The following LRRC59 variants were observed in gnomAD, a reference collection of about 807,000 sequenced individuals.
LRRC59 encodes the protein leucine-rich repeat-containing protein 59.
LRRC59 carries 18 observed loss-of-function variants against 33.5 expected under a neutral mutation model. That is an observed-to-expected ratio of 0.54 (90% CI 0.37 to 0.80). The LOEUF is 0.80. Ranked by LOEUF, LRRC59 falls within the 30% of genes least tolerant of loss-of-function variation. The pLI is 0.00. For synonymous variants in LRRC59, 138 were observed against 160.0 expected, an observed-to-expected ratio of 0.86 and a Z score of 1.04; for missense variants, 330 against 391.9, an observed-to-expected ratio of 0.84 and a Z score of 1.33.
At position 50,394,958 on chromosome 17, in the gene LRRC59, G is replaced by C. The variant is rs1217033431; in HGVS notation, c.136C>G (p.Leu46Val). The change falls in exon 2 of 7, where the codon CTG becomes GTG. Residue 46 changes from leucine (L) to valine (V), a missense_variant. Physicochemically the swap from Leu to Val is conservative, Grantham distance 32. Transcript: ENST00000225972. ...AALPKATILD[L>V]SCNKLTTLPS... ...AGAGTAGTCAGTTTATTACAAGACA[G>C]ATCCAGGATGGTGGCCTTTGGAAGG... The C allele has an allele frequency of 6.2e-7, 1 of 1,608,674 alleles. No individual in the cohort carries two copies. Among genetic ancestry groups the C allele is most frequent in the Non-Finnish European group, 8.5e-7 (1 of 1,176,336 alleles).
intron 6 of LRRC59, among the ~76,000 whole-genome samples, chr17:50,384,531 C>T (rs748864969): frequency 3.9e-5 from 6 of 152,018 alleles, no homozygotes; most frequent in East Asian, 1.9e-4. Context: ...TTGGGGAGGC[C>T]GAGGCAGGCG....
Position 50,382,988 on chromosome 17 carries a change from T to C in LRRC59, c.924A>G (p.Ter308TrpextTer44). ...QWVLQTDSQQ[*>W] Reference sequence around the variant, plus strand: ...GAGGCAGCAGGTGCTGGGGACAAGCTCACTGCTGAGAGTCGGTCTGGAGGA... The same window carrying C: ...GAGGCAGCAGGTGCTGGGGACAAGCCCACTGCTGAGAGTCGGTCTGGAGGA... The change falls in exon 7 of 7, where the codon TGA becomes TGG. Residue 308 changes from the stop codon to tryptophan (W), a stop_lost. Coordinates refer to ENST00000225972, the MANE Select transcript of LRRC59 (RefSeq NM_018509.4). The C allele has an allele frequency of 6.2e-7, 1 of 1,612,120 alleles. No homozygotes were observed. Among genetic ancestry groups the C allele is most frequent in the Non-Finnish European group, 8.5e-7 (1 of 1,179,516 alleles).
chr17:50,389,523 G>A (rs1052592999), intron 4 of LRRC59, among the ~76,000 whole-genome samples: 3 of 152,090 alleles, frequency 2.0e-5, no homozygotes, highest in Non-Finnish European at 4.4e-5. Flanking sequence ...TGGCTGCCTT[G>A]TATAATCTCT....
chr17:50,385,158 C>T lies in LRRC59; in HGVS notation c.636G>A (p.Glu212=). 3.1e-6 allele frequency: 5 copies of T among 1,614,146 alleles called. No individual in the cohort carries two copies. Among genetic ancestry groups the T allele is most frequent in the Non-Finnish European group, 4.2e-6 (5 of 1,180,032 alleles). The change falls in exon 6 of 7, where the codon GAG becomes GAA. Residue 212 remains glutamate (E), a synonymous_variant. Coordinates refer to ENST00000225972, the MANE Select transcript of LRRC59 (RefSeq NM_018509.4). ...CTTCCTTCTTAGGTTTCTTCTCCTG[C>T]TCCCGCTTGGCTGCTTTGAGGGCAT... is the stretch of plus-strand genomic sequence containing the variant. ...EYDALKAAKR[E]QEKKPKKEAN...
At position 50,392,732 on chromosome 17, in the gene LRRC59, T is replaced by C; in HGVS notation, c.324+7A>G. The C allele has an allele frequency of 6.2e-7, 1 of 1,613,388 alleles. No individual in the cohort carries two copies. Among genetic ancestry groups the C allele is most frequent in the Non-Finnish European group, 8.5e-7 (1 of 1,179,358 alleles). On this transcript the variant is annotated splice_region_variant and intron_variant, in intron 3 of 6. Transcript: ENST00000225972. ...TGGCCATGAAACACTGGTTCATGAA[T>C]TGTTACCTTGAGCTGAGCAAAGCTG...
At chr17:50,387,349 A>C (rs989814687) in intron 5 of LRRC59, among the ~76,000 whole-genome samples, 10 of 152,220 alleles carry the variant, frequency 6.6e-5, no homozygotes, top group African/African-American at 2.2e-4. Context: ...GCCCAGTTTC[A>C]CTTGTGTGTG....
intron 6 of LRRC59, among the ~76,000 whole-genome samples, chr17:50,384,830 C>A (rs1370169350): frequency 1.3e-5 from 2 of 150,962 alleles, no homozygotes; most frequent in Non-Finnish European, 3.0e-5. Context: ...GATTTTAGAC[C>A]CTCACCTCTA....
intron 4 of LRRC59, among the ~76,000 whole-genome samples, chr17:50,390,491 C>CAAA (rs796517826): frequency 9.6e-5 from 13 of 135,962 alleles, no homozygotes; most frequent in South Asian, 2.3e-4. Flanking sequence ...GACCCCATGT[C>CAAA]AAAAAAAAAA....
intron 3 of LRRC59, 48 bp downstream of exon 3, chr17:50,392,691 G>A: frequency 6.2e-7 from 1 of 1,603,966 alleles, no homozygotes; most frequent in Non-Finnish European, 8.5e-7. Context: ...CAGAGTCCCT[G>A]AGTTCTCTGC....
Position 50,397,473 on chromosome 17 carries a change from C to G in LRRC59, c.-156G>C. 1 of 532,588 alleles carries G rather than the reference C, an allele frequency of 1.9e-6. No homozygotes were observed. The highest frequency in any genetic ancestry group is 2.4e-5 in the South Asian group (1 of 42,040). 33.0% of individuals were successfully genotyped at this position (532,588 alleles called of 1,614,324 possible). ...ACCGCCTCCGCCCGCTGGCCGCACTCCGAGCCTCGCGCCTAGCTCCCACCG... is the reference window on the plus strand; with the variant it reads ...ACCGCCTCCGCCCGCTGGCCGCACTGCGAGCCTCGCGCCTAGCTCCCACCG... On this transcript the variant is annotated 5_prime_UTR_variant, in exon 1 of 7. Transcript: ENST00000225972.
Position 50,397,300 on chromosome 17 carries a change from G to C in LRRC59, c.18C>G (p.Ser6Arg). The change falls in exon 1 of 7, where the codon AGC becomes AGG. Residue 6 changes from serine to arginine, a missense_variant. Transcript: ENST00000225972. MTKAG[S>R]KGGNLRDKLD... ...GCTTGTCGCGGAGGTTCCCGCCCTT[G>C]CTACCGGCCTTGGTCATGGTAACGC... 6.2e-7 allele frequency: 1 copy of C among 1,608,930 alleles called. No individual in the cohort carries two copies. The highest frequency in any genetic ancestry group is 8.5e-7 in the Non-Finnish European group (1 of 1,178,074).
rs536026043 is a variant in LRRC59, at chr17:50,390,752, A to G, written c.429+1646T>C. Among the ~76,000 whole-genome samples the G allele has an allele frequency of 5.9e-5, 9 of 152,332 alleles. No individual in the cohort carries two copies. The East Asian group carries it at 1.7e-3, about 29-fold the overall frequency. ...GTCAGAGCTAGTAAGACCTAAACTA[A>G]TTCCTGCAGACAGACGACCTGATTC... On this transcript the variant is annotated intron_variant, in intron 4 of 6. Transcript: ENST00000225972.
intron 5 of LRRC59, among the ~76,000 whole-genome samples, chr17:50,385,812 G>A (rs574387007): frequency 6.6e-6 from 1 of 152,274 alleles, no homozygotes; most frequent in African/African-American, 2.4e-5. Context: ...ATAACCCTAG[G>A]ACTTTGGGAG....
At chr17:50,383,798 A>G (rs1470509022) in intron 6 of LRRC59, among the ~76,000 whole-genome samples, 8 of 152,000 alleles carry the variant, frequency 5.3e-5, no homozygotes, top group Non-Finnish European at 2.9e-5. Flanking sequence ...ATTTTTAATT[A>G]GAAAAAAATT....
intron 6 of LRRC59, among the ~76,000 whole-genome samples, chr17:50,383,463 G>A (rs1209483255): frequency 6.6e-6 from 1 of 152,162 alleles, no homozygotes; most frequent in Non-Finnish European, 1.5e-5. Context: ...CGTGTCTCAT[G>A]TAGCTCACAG....
chr17:50,397,457 G>A lies in LRRC59; in HGVS notation c.-140C>T. ...TCGCCGCCGATGCGAGACCGCCTCC[G>A]CCCGCTGGCCGCACTCCGAGCCTCG... On this transcript the variant is annotated 5_prime_UTR_variant, in exon 1 of 7. Coordinates refer to ENST00000225972, the MANE Select transcript of LRRC59 (RefSeq NM_018509.4). 3.7e-6 allele frequency: 2 copies of A among 544,386 alleles called. No homozygotes were observed. Among genetic ancestry groups the A allele is most frequent in the Non-Finnish European group, 6.2e-6 (2 of 320,668 alleles). The allele number at this position is 544,386 out of a possible 1,614,324, so 33.7% of individuals were successfully genotyped here.
intron 1 of LRRC59, among the ~76,000 whole-genome samples, chr17:50,395,672 T>C (rs573288065): frequency 6.6e-6 from 1 of 152,214 alleles, no homozygotes; most frequent in South Asian, 2.1e-4. Context: ...CCCACCACTT[T>C]GGGAGGCTGA....
At chr17:50,385,069 T>G (rs1913968937) in intron 6 of LRRC59, 49 bp downstream of exon 6, 2 of 1,587,660 alleles carry the variant, frequency 1.3e-6, no homozygotes, top group Non-Finnish European at 1.7e-6. Flanking sequence ...GAAACATGAG[T>G]GTCTCCACTG....
At chr17:50,387,591 C>T (rs1031485054) in intron 5 of LRRC59, among the ~76,000 whole-genome samples, 12 of 152,198 alleles carry the variant, frequency 7.9e-5, no homozygotes, top group African/African-American at 2.4e-4. Context: ...TTGTGATGGT[C>T]CCAGAATGGT....
Sources: allele counts gnomAD v4.1 joint callset (sites outside exome capture counted in the v4.1 genomes callset), GRCh38; gene constraint gnomAD v4.1.1; transcripts MANE v1.5; gene names NCBI Gene and HGNC (gene_info 2026-07-23, HGNC 2026-07-21).